Variants in DNAH5 observed in about 807,000 individuals in gnomAD.
The protein encoded by DNAH5 is dynein axonemal heavy chain 5, also known as axonemal beta dynein heavy chain 5.
A neutral mutation model predicts 518.2 loss-of-function variants in DNAH5; 372 were observed. The ratio of observed to expected loss-of-function variants is 0.72; its 90% CI spans 0.66 to 0.78. The LOEUF is 0.78. Among genes scored for constraint, DNAH5 ranks in the 30% least tolerant of loss-of-function variants. The probability of loss-of-function intolerance (pLI) is 0.00; values close to 1 mark genes in which losing one functional copy is unlikely to be tolerated. For missense variants in DNAH5, 5,523 were observed against 5,687.0 expected (o/e 0.97, Z 0.93); for synonymous variants, 2,039 against 2,025.9 (o/e 1.01, Z -0.17).
intron 76 of DNAH5, among the ~76,000 whole-genome samples, chr5:13,702,504 C>A (rs1232422796): frequency 6.6e-6 from 1 of 152,128 alleles, no homozygotes; most frequent in Non-Finnish European, 1.5e-5. Context: ...GACAGGGATT[C>A]CTGTTCCAGA....
Position 13,714,524 on chromosome 5 carries a change from T to C in DNAH5, c.13006A>G (p.Ile4336Val). The part of the protein sequence containing the change: ...SKLAKDVLDT[I>V]LGIQPKDTSG... ...GTGTCCTTGGGTTGGATGCCTAGGA[T>C]GGTGTCCAGCACGTCCTTGGCCAGC... Residue 4336 changes from isoleucine (I) to valine (V), a missense_variant, in exon 75 of 79, where the codon ATC (isoleucine) becomes GTC (valine). Physicochemically the swap from Ile to Val is conservative, Grantham distance 29. This residue lies in a region of DNAH5 where 387 missense variants were observed against 430.0 expected (regional missense o/e 0.90). Coordinates refer to ENST00000265104, the MANE Select transcript of DNAH5 (RefSeq NM_001369.3). 1 of 1,614,164 alleles carries C rather than the reference T, an allele frequency of 6.2e-7. No individual in the cohort carries two copies. Among genetic ancestry groups the C allele is most frequent in the African/African-American group, 1.3e-5 (1 of 75,054 alleles).
chr5:13,843,820 AC>A (rs1212523989), intron 32 of DNAH5, among the ~76,000 whole-genome samples: 2 of 152,222 alleles, frequency 1.3e-5, no homozygotes, highest in Non-Finnish European at 2.9e-5. Flanking sequence ...ACACCCCCAT[AC>A]AACCAGGTTC....
At chr5:13,853,055 A>G (rs1241966605) in intron 30 of DNAH5, among the ~76,000 whole-genome samples, 1 of 152,120 alleles carries the variant, frequency 6.6e-6, no homozygotes, top group Non-Finnish European at 1.5e-5. Context: ...TGGGTCCCTG[A>G]CCCCGTGCTT....
chr5:13,764,325 G>T (rs1037287856), intron 59 of DNAH5, among the ~76,000 whole-genome samples: 1 of 152,062 alleles, frequency 6.6e-6, no homozygotes, highest in East Asian at 1.9e-4. Context: ...AACAACTAAC[G>T]CCAGAAAGCA....
chr5:13,934,303 A>T (rs1244255146), intron 1 of DNAH5, among the ~76,000 whole-genome samples: 2 of 152,190 alleles, frequency 1.3e-5, no homozygotes, highest in African/African-American at 4.8e-5. Flanking sequence ...TTTCCCCTAC[A>T]GATGACAGCA....
chr5:13,909,841 C>T (rs1286963430), intron 12 of DNAH5, among the ~76,000 whole-genome samples: 1 of 152,192 alleles, frequency 6.6e-6, no homozygotes, highest in African/African-American at 2.4e-5. Flanking sequence ...GTATTCATAA[C>T]CTACAGCATA....
intron 54 of DNAH5, among the ~76,000 whole-genome samples, 194 bp downstream of exon 54, chr5:13,777,008 A>G (rs1174404853): frequency 1.3e-5 from 2 of 152,160 alleles, no homozygotes; most frequent in African/African-American, 2.4e-5. Context: ...GATGTTTTCA[A>G]TGCTTAGCTC....
chr5:13,838,055 T>C (rs1182125526), intron 35 of DNAH5, among the ~76,000 whole-genome samples: 1 of 152,188 alleles, frequency 6.6e-6, no homozygotes, highest in African/African-American at 2.4e-5. Flanking sequence ...TTGTATATTA[T>C]TGTGGGGCAC....
At chr5:13,781,281 C>T (rs1273270375) in intron 52 of DNAH5, among the ~76,000 whole-genome samples, 3 of 152,038 alleles carry the variant, frequency 2.0e-5, no homozygotes, top group Non-Finnish European at 2.9e-5. Context: ...TTTGAGGATT[C>T]CTGTTAGTTG....
intron 41 of DNAH5, among the ~76,000 whole-genome samples, chr5:13,820,133 G>A (rs1367746444): frequency 6.6e-6 from 1 of 152,096 alleles, no homozygotes; most frequent in Non-Finnish European, 1.5e-5. Flanking sequence ...AACATACAGT[G>A]CAGTGCATAA....
chr5:13,985,446 TA>T, intron 1 of DNAH5, among the ~76,000 whole-genome samples: 1 of 142,276 alleles, frequency 7.0e-6, no homozygotes, highest in East Asian at 2.0e-4. Flanking sequence ...TATATATATA[TA>T]TATATATATA....
chr5:13,900,374 C>A lies in DNAH5; in HGVS notation c.2091G>T (p.Leu697Phe). The part of the protein sequence containing the change: ...EIHVGLEASL[L>F]VKAPGTGELF... Reference sequence around the variant, plus strand: ...ATTCCCCTGTGCCTGGAGCCTTCACCAATAATGAAGCCTCAAGACCTACAT... The same window carrying A: ...ATTCCCCTGTGCCTGGAGCCTTCACAAATAATGAAGCCTCAAGACCTACAT... The change falls in exon 15 of 79, where the codon TTG becomes TTT. Residue 697 changes from leucine (L) to phenylalanine (F), a missense_variant. This residue lies in a region of DNAH5 where 5,121 missense variants were observed against 5,223.3 expected (regional missense o/e 0.98). Transcript: ENST00000265104. 2 of 1,614,112 alleles carry A rather than the reference C, an allele frequency of 1.2e-6. No individual in the cohort carries two copies. The highest frequency in any genetic ancestry group is 1.7e-6 in the Non-Finnish European group (2 of 1,179,988).
intron 47 of DNAH5, among the ~76,000 whole-genome samples, chr5:13,797,114 G>T (rs1337286848): frequency 6.6e-6 from 1 of 152,096 alleles, no homozygotes; most frequent in Non-Finnish European, 1.5e-5. Flanking sequence ...GAAAACTTAG[G>T]CAATACCATT....
chr5:13,984,084 G>A (rs1308872796), intron 1 of DNAH5, among the ~76,000 whole-genome samples: 1 of 152,146 alleles, frequency 6.6e-6, no homozygotes, highest in African/African-American at 2.4e-5. Flanking sequence ...AAATGTGGAA[G>A]AGACAAGCAG....
At chr5:13,802,322 A>C (rs368120190) in intron 47 of DNAH5, among the ~76,000 whole-genome samples, 1 of 152,130 alleles carries the variant, frequency 6.6e-6, no homozygotes, top group African/African-American at 2.4e-5. Flanking sequence ...AGGCTGAGGA[A>C]TGGAGCTCCC....
At chr5:13,888,732 T>G (rs1238180935) in intron 17 of DNAH5, among the ~76,000 whole-genome samples, 1 of 152,236 alleles carries the variant, frequency 6.6e-6, no homozygotes, top group Non-Finnish European at 1.5e-5. Context: ...AATATCCTTT[T>G]GAAAAGCAAT....
intron 15 of DNAH5, 74 bp from the exon 16 acceptor site, chr5:13,894,895 C>A: frequency 1.3e-6 from 2 of 1,526,946 alleles, no homozygotes; most frequent in South Asian, 1.1e-5. Context: ...ATGTCTTATA[C>A]AAAATGACTA....
rs747749204 is a variant in DNAH5, at chr5:13,916,378, G to A, written c.1167C>T (p.Thr389=). ...MIYSISHYYN[T]SEKITSLFVK... ...CAAACAGAGATGTGATCTTCTCAGA[G>A]GTATTATAGTAATGAGAGATACTAT... Residue 389 remains threonine, a synonymous_variant, in exon 9 of 79, where the codon ACC becomes ACT. Coordinates refer to ENST00000265104, the MANE Select transcript of DNAH5 (RefSeq NM_001369.3). 6 of 1,519,432 alleles carry A rather than the reference G, an allele frequency of 3.9e-6. No homozygotes were observed. Among genetic ancestry groups the A allele is most frequent in the Non-Finnish European group, 5.5e-6 (6 of 1,096,268 alleles). The allele number at this position is 1,519,432 out of a possible 1,614,324, so 94.1% of individuals were successfully genotyped here. A position where few individuals can be genotyped will look rare whatever the true frequency, so the allele number is the denominator to read the frequency against.
At chr5:13,715,433 T>G (rs1744160022) in intron 74 of DNAH5, among the ~76,000 whole-genome samples, 1 of 152,242 alleles carries the variant, frequency 6.6e-6, no homozygotes, top group Non-Finnish European at 1.5e-5. Flanking sequence ...CATGGCCACT[T>G]TTCTTATTCA....
Sources: allele counts gnomAD v4.1 joint callset (sites outside exome capture counted in the v4.1 genomes callset), GRCh38; gene constraint gnomAD v4.1.1; regional missense constraint gnomAD v4.1.1; transcripts MANE v1.5; gene names NCBI Gene and HGNC (gene_info 2026-07-23, HGNC 2026-07-21).